Variants in CCDC102B observed in about 807,000 individuals in gnomAD.
CCDC102B encodes coiled-coil domain containing 102B, also known as coiled-coil domain-containing protein 102B.
A neutral mutation model predicts 57.4 loss-of-function variants in CCDC102B; 75 were observed. The ratio of observed to expected loss-of-function variants is 1.31; its 90% CI spans 1.08 to 1.58. The LOEUF (loss-of-function observed/expected upper bound fraction) is 1.58, where lower values mean the gene tolerates loss of function less well. Ranked by LOEUF, CCDC102B falls within the 40% of genes most tolerant of loss-of-function variation. The pLI, the probability that CCDC102B is intolerant of heterozygous loss-of-function variation, is 0.00. For synonymous variants in CCDC102B, 206 were observed against 201.9 expected, an observed-to-expected ratio of 1.02 and a Z score of -0.17; for missense variants, 636 against 582.6, an observed-to-expected ratio of 1.09 and a Z score of -0.94.
chr18:68,872,946 A>G (rs1599610041), intron 4 of CCDC102B, among the ~76,000 whole-genome samples: 1 of 152,100 alleles, frequency 6.6e-6, no homozygotes, highest in African/African-American at 2.4e-5. Context: ...GGTACAGTTC[A>G]TTGAGAGTTC....
chr18:68,985,082 C>G (rs966249841), intron 6 of CCDC102B, among the ~76,000 whole-genome samples: 1 of 152,112 alleles, frequency 6.6e-6, no homozygotes, highest in African/African-American at 2.4e-5. Context: ...CCTGAGAAGT[C>G]TACACAATTT....
chr18:68,936,609 C>T (rs1261103310), intron 6 of CCDC102B, among the ~76,000 whole-genome samples: 1 of 151,848 alleles, frequency 6.6e-6, no homozygotes, highest in Non-Finnish European at 1.5e-5. Flanking sequence ...TTCCTATAAG[C>T]ATGGTTTCTA....
At chr18:68,991,111 T>C (rs2050853686) in intron 6 of CCDC102B, among the ~76,000 whole-genome samples, 2 of 136,830 alleles carry the variant, frequency 1.5e-5, no homozygotes, top group South Asian at 2.4e-4. Context: ...GTCACCTATA[T>C]TGGCCCTTCT....
chr18:69,004,904 A>G (rs895496500), intron 6 of CCDC102B, among the ~76,000 whole-genome samples: 4 of 152,202 alleles, frequency 2.6e-5, no homozygotes, highest in Non-Finnish European at 5.9e-5. Context: ...TGTTAAGTGG[A>G]CCCACTAAAT....
intron 7 of CCDC102B, among the ~76,000 whole-genome samples, chr18:69,038,224 A>G (rs1291569282): frequency 6.6e-6 from 1 of 151,928 alleles, no homozygotes; most frequent in Non-Finnish European, 1.5e-5. Context: ...ATCCAAATAA[A>G]CATTTTAATG....
At chr18:68,741,701 A>ACACACC (rs998875172) in intron 2 of CCDC102B, among the ~76,000 whole-genome samples, 1 of 117,650 alleles carries the variant, frequency 8.5e-6, no homozygotes, top group African/African-American at 3.8e-5. Flanking sequence ...ACACACACAC[A>ACACACC]CACACACACA....
chr18:68,769,313 G>A (rs1435020041), intron 2 of CCDC102B, among the ~76,000 whole-genome samples: 1 of 151,616 alleles, frequency 6.6e-6, no homozygotes, highest in Non-Finnish European at 1.5e-5. Flanking sequence ...GCACAGAAGG[G>A]GATGAAAGCT....
rs1326266649 is a variant in CCDC102B, at chr18:68,943,767, C to T, written c.1263+46339C>T. Among the ~76,000 whole-genome samples the T allele has an allele frequency of 2.0e-5, 3 of 152,116 alleles. No homozygotes were observed. The East Asian group carries it at 5.8e-4, about 29-fold the overall frequency. On this transcript the variant is annotated intron_variant, in intron 6 of 7. Transcript: ENST00000360242. ...CCGGCGGCCAAAGAGATGGCCAATG[C>T]TCAAAATTCTCTAGGCCGGAGGAAG...
intron 2 of CCDC102B, among the ~76,000 whole-genome samples, chr18:68,720,809 C>G (rs148059399): frequency 6.6e-6 from 1 of 152,148 alleles, no homozygotes; most frequent in Non-Finnish European, 1.5e-5. Flanking sequence ...CATAGTGGCT[C>G]ACACCTTAGT....
chr18:68,951,933 A>C (rs1445948438), intron 6 of CCDC102B, among the ~76,000 whole-genome samples: 1 of 152,182 alleles, frequency 6.6e-6, no homozygotes, highest in Admixed American at 6.6e-5. Flanking sequence ...AGAGAAAGAT[A>C]CTGATTCTCA....
Position 68,782,049 on chromosome 18 carries a change from G to A in CCDC102B, c.-66-41317G>A, listed in dbSNP as rs181629547. Among the ~76,000 whole-genome samples, 6 of 152,066 alleles carry A rather than the reference G, an allele frequency of 3.9e-5. No homozygotes were observed. In the East Asian group the frequency reaches 9.7e-4, roughly 25 times the overall value. ...GAAATTTTCTGATTTCAGTGAATAG[G>A]AATGCAATTTCTCTTTGAAGAAGCA... On this transcript the variant is annotated intron_variant, in intron 2 of 3. Coordinates refer to the CCDC102B transcript ENST00000578970.
chr18:68,719,327 A>C (rs1051668856), intron 2 of CCDC102B, among the ~76,000 whole-genome samples: 5 of 152,186 alleles, frequency 3.3e-5, no homozygotes, highest in African/African-American at 1.2e-4. Context: ...AGAAGTCTTA[A>C]TCTTCCATCT....
chr18:68,995,949 T>C (rs978260560), intron 6 of CCDC102B, among the ~76,000 whole-genome samples: 3 of 152,140 alleles, frequency 2.0e-5, no homozygotes, highest in Admixed American at 1.3e-4. Context: ...CTGCCCAAGA[T>C]TGTGGGAGCT....
At position 68,965,910 on chromosome 18, in the gene CCDC102B, T is replaced by A. The variant is rs983443648; in HGVS notation, c.1264-45024T>A. Among the ~76,000 whole-genome samples, 33 of 152,102 alleles carry A rather than the reference T, an allele frequency of 2.2e-4. 1 individual carries two copies. The highest frequency in any genetic ancestry group is 7.7e-4 in the African/African-American group (32 of 41,430). On this transcript the variant is annotated intron_variant, in intron 6 of 7. Coordinates refer to ENST00000360242, the MANE Select transcript of CCDC102B (RefSeq NM_024781.3). ...TGTTAATTCCAGGTTTTGGTAAAAG[T>A]CCAAATTCTCCACTCAGTTTATGCT... is the stretch of plus-strand genomic sequence containing the variant.
chr18:68,987,678 T>C (rs1038226447), intron 6 of CCDC102B, among the ~76,000 whole-genome samples: 1 of 151,662 alleles, frequency 6.6e-6, no homozygotes, highest in Non-Finnish European at 1.5e-5. Context: ...ACACACAGAA[T>C]CTACAACGAA....
At chr18:68,935,475 G>T (rs1278051839) in intron 6 of CCDC102B, among the ~76,000 whole-genome samples, 1 of 151,878 alleles carries the variant, frequency 6.6e-6, no homozygotes, top group Non-Finnish European at 1.5e-5. Context: ...ATTTAGTTTG[G>T]TTTTTTAATT....
chr18:69,050,654 C>G (rs1219708158), intron 7 of CCDC102B, among the ~76,000 whole-genome samples: 1 of 152,002 alleles, frequency 6.6e-6, no homozygotes, highest in Non-Finnish European at 1.5e-5. Context: ...ATAAGTGCAA[C>G]CATTTTAAAG....
At chr18:68,716,209 A>G (rs309246) in intron 1 of CCDC102B, among the ~76,000 whole-genome samples, 2,905 of 151,926 alleles carry the variant, frequency 0.019, 92 homozygotes, top group African/African-American at 0.063. Flanking sequence ...GAACAGCTTT[A>G]TAATAGTACC....
chr18:68,893,245 G>A (rs2040138457), intron 5 of CCDC102B, among the ~76,000 whole-genome samples: 1 of 152,092 alleles, frequency 6.6e-6, no homozygotes, highest in African/African-American at 2.4e-5. Flanking sequence ...CATAACACTA[G>A]GTTGTAGGAA....
Sources: gnomAD v4.1 joint callset for allele counts (sites outside exome capture counted in the v4.1 genomes callset) on GRCh38, gnomAD v4.1.1 for gene constraint, MANE v1.5 for transcripts, NCBI Gene and HGNC (gene_info 2026-07-23, HGNC 2026-07-21) for gene names.